Variants in CNTN4 observed in about 807,000 individuals in gnomAD.
The protein encoded by CNTN4 is contactin 4, also known as contactin-4.
In CNTN4, 77 loss-of-function variants were observed where a neutral mutation model predicts 122.5. That is an observed-to-expected ratio of 0.63 (90% CI 0.52 to 0.76). CNTN4 has a LOEUF of 0.76. Ranked by LOEUF, CNTN4 falls within the 30% of genes least tolerant of loss-of-function variation. The pLI, the probability that CNTN4 is intolerant of heterozygous loss-of-function variation, is 0.00. For synonymous variants in CNTN4, 512 were observed against 447.0 expected, an observed-to-expected ratio of 1.15 and a Z score of -1.83; for missense variants, 1,256 against 1,259.1, an observed-to-expected ratio of 1.00 and a Z score of 0.04.
intron 2 of CNTN4, among the ~76,000 whole-genome samples, chr3:2,158,488 T>G (rs988931291): frequency 6.6e-6 from 1 of 152,196 alleles, no homozygotes; most frequent in Non-Finnish European, 1.5e-5. Flanking sequence ...CCATTGTAAA[T>G]GCTTACCTCT....
chr3:2,642,834 C>T (rs2082952433), intron 4 of CNTN4, among the ~76,000 whole-genome samples: 1 of 152,130 alleles, frequency 6.6e-6, no homozygotes. Context: ...TTTGTCTGCC[C>T]CTCAAGACCC....
chr3:2,656,916 G>A (rs2083615900), intron 4 of CNTN4, among the ~76,000 whole-genome samples: 1 of 152,106 alleles, frequency 6.6e-6, no homozygotes, highest in Non-Finnish European at 1.5e-5. Flanking sequence ...TGGGAGTTCT[G>A]GTCAGATATT....
In CNTN4 at chr3:2,866,906, C is replaced by G; in HGVS notation, c.609C>G (p.His203Gln). Residue 203 changes from histidine (H) to glutamine (Q), a missense_variant, in exon 8 of 25, where the codon CAC (histidine) becomes CAG (glutamine). Physicochemically the swap from His to Gln is conservative, Grantham distance 24. Coordinates refer to ENST00000418658, the MANE Select transcript of CNTN4 (RefSeq NM_175607.3). ...TCVVTNTVTN[H>Q]KVLGPPTPLI... ...TGGTTACCAATACCGTGACAAACCA[C>G]AAGGTCCTGGGGCCACCTACACCAC... 1 of 1,614,012 alleles carries G rather than the reference C, an allele frequency of 6.2e-7. No homozygotes were observed. Among genetic ancestry groups the G allele is most frequent in the Non-Finnish European group, 8.5e-7 (1 of 1,179,932 alleles).
intron 3 of CNTN4, among the ~76,000 whole-genome samples, chr3:2,468,905 C>T (rs1174992412): frequency 6.6e-6 from 1 of 152,122 alleles, no homozygotes; most frequent in East Asian, 1.9e-4. Flanking sequence ...CCCAGAAATC[C>T]TCTTCCATGT....
intron 14 of CNTN4, among the ~76,000 whole-genome samples, chr3:3,025,353 A>AT (rs1182769823): frequency 6.6e-6 from 1 of 152,154 alleles, no homozygotes; most frequent in African/African-American, 2.4e-5. Flanking sequence ...TATTAGAAAA[A>AT]TGTCTAATAA....
chr3:2,624,840 G>A (rs2082123199), intron 4 of CNTN4, among the ~76,000 whole-genome samples: 1 of 151,534 alleles, frequency 6.6e-6, no homozygotes, highest in African/African-American at 2.4e-5. Context: ...CACCCCATTG[G>A]CCAGGCTGGT....
intron 4 of CNTN4, among the ~76,000 whole-genome samples, chr3:2,644,354 C>T (rs2083025007): frequency 6.6e-6 from 1 of 152,080 alleles, no homozygotes; most frequent in Non-Finnish European, 1.5e-5. Flanking sequence ...ATAAATTGCC[C>T]ATAGGCTTCA....
At position 2,870,309 on chromosome 3, in the gene CNTN4, T is replaced by G. The variant is rs548205547; in HGVS notation, c.652+3360T>G. Among the ~76,000 whole-genome samples the G allele has an allele frequency of 1.3e-5, 2 of 152,342 alleles. 1 individual carries two copies. The highest frequency in any genetic ancestry group is 4.1e-4 in the South Asian group (2 of 4,828). On this transcript the variant is annotated intron_variant, in intron 8 of 24. Transcript: ENST00000418658. ...AGTTAGCAGACTAAAGATCTCATTC[T>G]TCAGCCATTAATGCCCACTCATTCT...
At chr3:2,718,186 T>C (rs1227362653) in intron 4 of CNTN4, among the ~76,000 whole-genome samples, 1 of 152,150 alleles carries the variant, frequency 6.6e-6, no homozygotes, top group East Asian at 1.9e-4. Context: ...GCTTTTCTCA[T>C]TGACCAAAAT....
At chr3:2,608,578 T>C (rs1477072629) in intron 4 of CNTN4, among the ~76,000 whole-genome samples, 4 of 152,162 alleles carry the variant, frequency 2.6e-5, no homozygotes, top group Non-Finnish European at 5.9e-5. Flanking sequence ...TTCTCATGGG[T>C]TTAAGCAATT....
chr3:2,864,761 C>CTGTATTT (rs2093706344), intron 7 of CNTN4, among the ~76,000 whole-genome samples: 1 of 57,066 alleles, frequency 1.8e-5, no homozygotes, highest in African/African-American at 7.3e-5. Context: ...AAAAAGTTTC[C>CTGTATTT]GGTATTTGAT....
chr3:2,163,376 C>T (rs1212293255), intron 2 of CNTN4, among the ~76,000 whole-genome samples: 1 of 152,094 alleles, frequency 6.6e-6, no homozygotes, highest in Non-Finnish European at 1.5e-5. Context: ...AGACTTAAAT[C>T]TAAGACATGA....
chr3:2,397,841 T>A (rs987675072), intron 3 of CNTN4, among the ~76,000 whole-genome samples: 6 of 152,210 alleles, frequency 3.9e-5, no homozygotes, highest in Admixed American at 3.9e-4. Flanking sequence ...TCAGTAGCTT[T>A]GTTACTCTGA....
intron 3 of CNTN4, among the ~76,000 whole-genome samples, chr3:2,440,933 A>G (rs1215355505): frequency 6.7e-6 from 1 of 148,910 alleles, no homozygotes; most frequent in Non-Finnish European, 1.5e-5. Flanking sequence ...TAAAAAGATT[A>G]TATATGTGTT....
rs9823286 is a variant in CNTN4, at chr3:2,137,600, A to T, written c.-145+36961A>T. ...GAGTTATTGTATGTAACTTTATCACATTGGAAAGTTTATGAACCTTGTGTA... is the reference window on the plus strand; with the variant it reads ...GAGTTATTGTATGTAACTTTATCACTTTGGAAAGTTTATGAACCTTGTGTA... On this transcript the variant is annotated intron_variant, in intron 2 of 24. Transcript: ENST00000418658. 4.5e-3 allele frequency among the ~76,000 whole-genome samples: 683 copies of T among 152,272 alleles called. 4 individuals are homozygous for T. The highest frequency in any genetic ancestry group is 0.016 in the African/African-American group (649 of 41,522).
chr3:3,018,938 G>A (rs9864377), intron 14 of CNTN4, among the ~76,000 whole-genome samples: 3,393 of 152,216 alleles, frequency 0.022, 120 homozygotes, highest in African/African-American at 0.076. Flanking sequence ...TAAAACATAC[G>A]AAGAGCCCAA....
intron 9 of CNTN4, among the ~76,000 whole-genome samples, chr3:2,884,018 C>T (rs1278021667): frequency 6.6e-6 from 1 of 152,164 alleles, no homozygotes; most frequent in Non-Finnish European, 1.5e-5. Context: ...AATCTTTATG[C>T]CCAGCCCCAT....
intron 8 of CNTN4, among the ~76,000 whole-genome samples, chr3:2,872,121 T>C (rs1045435762): frequency 7.6e-5 from 2 of 26,216 alleles, no homozygotes; most frequent in African/African-American, 5.7e-4. Flanking sequence ...ATATGCTTCC[T>C]GCACAGATCT....
At chr3:2,746,205 GA>G (rs1268025673) in intron 6 of CNTN4, among the ~76,000 whole-genome samples, 1 of 151,892 alleles carries the variant, frequency 6.6e-6, no homozygotes, top group African/African-American at 2.4e-5. Flanking sequence ...GTGAGAGTTG[GA>G]AAAAAACTCA....
Sources: allele counts gnomAD v4.1 joint callset (sites outside exome capture counted in the v4.1 genomes callset), GRCh38; gene constraint gnomAD v4.1.1; transcripts MANE v1.5; gene names NCBI Gene and HGNC (gene_info 2026-07-23, HGNC 2026-07-21).